The following MTHFD1L variants were observed in gnomAD, a reference collection of about 807,000 sequenced individuals.
The protein encoded by MTHFD1L is monofunctional C1-tetrahydrofolate synthase, mitochondrial.
In MTHFD1L, 81 loss-of-function variants were observed where a neutral mutation model predicts 119.5. That is an observed-to-expected ratio of 0.68 (90% CI 0.57 to 0.82). The LOEUF (loss-of-function observed/expected upper bound fraction) is 0.82, where lower values mean the gene tolerates loss of function less well. Ranked by LOEUF, MTHFD1L falls within the 40% of genes least tolerant of loss-of-function variation. The pLI is 0.00. For synonymous variants in MTHFD1L, 430 were observed against 475.2 expected (o/e 0.90, Z 1.24); for missense variants, 1,125 against 1,253.4 (o/e 0.90, Z 1.55).
chr6:150,919,921 G>C (rs1429998273), intron 9 of MTHFD1L, among the ~76,000 whole-genome samples: 1 of 152,154 alleles, frequency 6.6e-6, no homozygotes, highest in African/African-American at 2.4e-5. Flanking sequence ...TGTCAGCTGG[G>C]GCTGCAGTCA....
chr6:150,882,759 TA>T lies in MTHFD1L; in HGVS notation c.418-2del. On this transcript the variant is annotated splice_acceptor_variant, in intron 4 of 27. Transcript: ENST00000367321. LOFTEE classifies it high-confidence loss of function. ...TTATTTTGTTTTTTTGTTTTCTCTT[TA>T]GATTATAGATGAAATCTTAAAGATC... is the stretch of plus-strand genomic sequence containing the variant. The T allele has an allele frequency of 6.7e-7, 1 of 1,484,738 alleles. No individual in the cohort carries two copies. The highest frequency in any genetic ancestry group is 8.9e-7 in the Non-Finnish European group (1 of 1,119,928). The allele number at this position is 1,484,738 out of a possible 1,614,324, so 92.0% of individuals were successfully genotyped here.
At chr6:151,034,147 C>T (rs769594919) in intron 24 of MTHFD1L, among the ~76,000 whole-genome samples, 8 of 150,304 alleles carry the variant, frequency 5.3e-5, no homozygotes, top group South Asian at 2.1e-4. Context: ...TGCCACTGCA[C>T]GACAGAGTGA....
At chr6:151,034,119 T>A (rs1218672519) in intron 24 of MTHFD1L, among the ~76,000 whole-genome samples, 1 of 151,828 alleles carries the variant, frequency 6.6e-6, no homozygotes, top group Non-Finnish European at 1.5e-5. Context: ...AGGTTGAGGC[T>A]GCAGTGGGCT....
chr6:151,059,952 A>T (rs1270429816), intron 26 of MTHFD1L, among the ~76,000 whole-genome samples: 2 of 152,172 alleles, frequency 1.3e-5, no homozygotes, highest in African/African-American at 4.8e-5. Context: ...TACAAGAGAG[A>T]CTTGAGCAAG....
intron 20 of MTHFD1L, among the ~76,000 whole-genome samples, chr6:150,979,020 A>T (rs1777047698): frequency 6.6e-6 from 1 of 152,144 alleles, no homozygotes; most frequent in South Asian, 2.1e-4. Flanking sequence ...TGGGTGGATC[A>T]CTTGAGGTCA....
chr6:151,033,949 A>T (rs1337054765), intron 24 of MTHFD1L, among the ~76,000 whole-genome samples: 5 of 152,050 alleles, frequency 3.3e-5, no homozygotes, highest in Non-Finnish European at 7.4e-5. Context: ...GCCGAGGTGG[A>T]CAGTTTGCTT....
In MTHFD1L at chr6:151,058,726, G is replaced by A. The variant is rs942506238; in HGVS notation, c.2847+21609G>A. Among the ~76,000 whole-genome samples, 7 of 152,186 alleles carry A rather than the reference G, an allele frequency of 4.6e-5. No individual in the cohort carries two copies. The South Asian group carries it at 6.2e-4, about 13-fold the overall frequency. On this transcript the variant is annotated intron_variant, in intron 26 of 27. Transcript: ENST00000367321. ...CTGGCCATGTGAGTCTTGTGGACAC[G>A]TGCACATCAGTCAGGGACCCCTGTG...
chr6:150,866,588 C>T, intron 1 of MTHFD1L: 3 of 1,226,616 alleles, frequency 2.4e-6, no homozygotes, highest in Non-Finnish European at 3.0e-6. Flanking sequence ...GCCCCTCCTG[C>T]TGGGCTGGGG....
intron 1 of MTHFD1L, among the ~76,000 whole-genome samples, chr6:150,875,431 A>G (rs1780281758): frequency 6.6e-6 from 1 of 152,050 alleles, no homozygotes; most frequent in Non-Finnish European, 1.5e-5. Context: ...GCTGCTGGGC[A>G]TTTAGGAGGT....
At chr6:151,087,864 A>G (rs2128643574) in intron 26 of MTHFD1L, among the ~76,000 whole-genome samples, 1 of 152,342 alleles carries the variant, frequency 6.6e-6, no homozygotes, top group East Asian at 1.9e-4. Context: ...TGAAGGGCAA[A>G]AGCCCAGGTA....
At chr6:151,079,559 G>A (rs1378836986) in intron 26 of MTHFD1L, among the ~76,000 whole-genome samples, 2 of 151,964 alleles carry the variant, frequency 1.3e-5, no homozygotes, top group Non-Finnish European at 2.9e-5. Flanking sequence ...GCGTGATCTC[G>A]GCTCACCGCA....
At chr6:151,093,573 T>C (rs528310704) in intron 27 of MTHFD1L, among the ~76,000 whole-genome samples, 2 of 152,228 alleles carry the variant, frequency 1.3e-5, no homozygotes, top group South Asian at 2.1e-4. Flanking sequence ...AGAGAATTGC[T>C]TGAACCCGGG....
chr6:150,908,992 T>C (rs1164526992), intron 8 of MTHFD1L, among the ~76,000 whole-genome samples: 3 of 152,130 alleles, frequency 2.0e-5, no homozygotes, highest in African/African-American at 7.2e-5. Flanking sequence ...ATTTTTATTC[T>C]TACCTTCATG....
intron 24 of MTHFD1L, among the ~76,000 whole-genome samples, chr6:151,032,760 A>C (rs978795473): frequency 5.9e-5 from 9 of 152,176 alleles, no homozygotes; most frequent in Admixed American, 6.5e-5. Flanking sequence ...CCTCAGTGAA[A>C]GGTTATAAGG....
chr6:150,866,031 C>G lies in MTHFD1L; in HGVS notation c.209C>G (p.Ala70Gly), dbSNP rs1285311883. ...AGCCCCGGCGGCCGAACGCCCGCGGCGCGGGACTCCATCGTCAGGTGAGTG... is the reference window on the plus strand; with the variant it reads ...AGCCCCGGCGGCCGAACGCCCGCGGGGCGGGACTCCATCGTCAGGTGAGTG... The part of the protein sequence containing the change: ...SCSPGGRTPA[A>G]RDSIVREVIQ... Residue 70 changes from alanine to glycine, a missense_variant, in exon 1 of 28, where the codon GCG becomes GGG. Coordinates refer to ENST00000367321, the MANE Select transcript of MTHFD1L (RefSeq NM_015440.5). The G allele has an allele frequency of 2.1e-6, 3 of 1,442,386 alleles. No individual in the cohort carries two copies. Among genetic ancestry groups the G allele is most frequent in the South Asian group, 2.7e-5 (2 of 73,246 alleles). 89.3% of individuals were successfully genotyped at this position (1,442,386 alleles called of 1,614,324 possible). A position where few individuals can be genotyped will look rare whatever the true frequency, so the allele number is the denominator to read the frequency against.
intron 26 of MTHFD1L, among the ~76,000 whole-genome samples, chr6:151,050,695 C>T (rs1788887001): frequency 6.6e-6 from 1 of 151,980 alleles, no homozygotes; most frequent in Non-Finnish European, 1.5e-5. Flanking sequence ...GAACTGGAAG[C>T]CACCCCACCT....
chr6:151,032,575 C>G (rs936958495), intron 24 of MTHFD1L, among the ~76,000 whole-genome samples: 1 of 152,182 alleles, frequency 6.6e-6, no homozygotes, highest in African/African-American at 2.4e-5. Context: ...ACCACATCAA[C>G]CCTTTATTGT....
At chr6:150,884,915 A>G (rs1781979378) in intron 5 of MTHFD1L, among the ~76,000 whole-genome samples, 1 of 151,982 alleles carries the variant, frequency 6.6e-6, no homozygotes. Context: ...TTACTGGGTC[A>G]CTCCAGATTT....
At chr6:151,079,678 G>A (rs368847309) in intron 26 of MTHFD1L, among the ~76,000 whole-genome samples, 2 of 151,302 alleles carry the variant, frequency 1.3e-5, no homozygotes, top group African/African-American at 2.4e-5. Flanking sequence ...TAGTAGAGAC[G>A]GAGTTTCACC....
Sources: allele counts gnomAD v4.1 joint callset (sites outside exome capture counted in the v4.1 genomes callset), GRCh38; gene constraint gnomAD v4.1.1; transcripts MANE v1.5; gene names NCBI Gene and HGNC (gene_info 2026-07-23, HGNC 2026-07-21).